OPCML: variants seen among roughly 807,000 people sequenced by gnomAD.
The protein encoded by OPCML is opioid binding protein/cell adhesion molecule like, also known as opioid-binding protein/cell adhesion molecule.
In OPCML, 13 loss-of-function variants were observed where a neutral mutation model predicts 37.8. The ratio of observed to expected loss-of-function variants is 0.34; its 90% CI spans 0.22 to 0.55. The LOEUF is 0.55. Ranked by LOEUF, OPCML falls within the 20% of genes least tolerant of loss-of-function variation. The pLI, the probability that OPCML is intolerant of heterozygous loss-of-function variation, is 0.91. For missense variants in OPCML, 341 were observed against 435.6 expected (o/e 0.78, Z 1.93); for synonymous variants, 176 against 168.8 (o/e 1.04, Z -0.33).
At chr11:132,633,107 G>T (rs991334109) in intron 3 of OPCML, among the ~76,000 whole-genome samples, 1 of 152,134 alleles carries the variant, frequency 6.6e-6, no homozygotes, top group Non-Finnish European at 1.5e-5. Context: ...GTGGTCCTAG[G>T]CTAATCGAAA....
chr11:133,379,500 T>A (rs1282687589), intron 1 of OPCML, among the ~76,000 whole-genome samples: 1 of 152,228 alleles, frequency 6.6e-6, no homozygotes, highest in Admixed American at 6.5e-5. Context: ...ATCACTAACT[T>A]TTTTGTTTGC....
chr11:133,390,252 G>A (rs921334963), intron 1 of OPCML, among the ~76,000 whole-genome samples: 2 of 152,108 alleles, frequency 1.3e-5, no homozygotes, highest in Non-Finnish European at 2.9e-5. Context: ...GAGGTCAGGA[G>A]ATCGAGACCA....
intron 3 of OPCML, among the ~76,000 whole-genome samples, chr11:132,646,451 G>A (rs1459078697): frequency 6.6e-6 from 1 of 152,154 alleles, no homozygotes; most frequent in Non-Finnish European, 1.5e-5. Flanking sequence ...TACAAGTGGG[G>A]TAAGTGACAT....
intron 1 of OPCML, among the ~76,000 whole-genome samples, chr11:132,958,537 C>T (rs775629078): frequency 2.6e-5 from 4 of 152,188 alleles, no homozygotes; most frequent in Non-Finnish European, 5.9e-5. Flanking sequence ...AAGAAGGTGC[C>T]ATCTGGGACT....
chr11:132,829,053 T>C (rs1306507753), intron 2 of OPCML, among the ~76,000 whole-genome samples: 1 of 152,186 alleles, frequency 6.6e-6, no homozygotes, highest in Non-Finnish European at 1.5e-5. Flanking sequence ...TACAGATTAC[T>C]CCAACTCACA....
In OPCML at chr11:133,449,518, G is replaced by A. The variant is rs541810004; in HGVS notation, c.61+82746C>T. Among the ~76,000 whole-genome samples the A allele has an allele frequency of 9.8e-4, 150 of 152,298 alleles. 1 individual carries two copies. The highest frequency in any genetic ancestry group is 3.3e-3 in the African/African-American group (137 of 41,558). On this transcript the variant is annotated intron_variant, in intron 1 of 7. Transcript: ENST00000524381. ...AGGAGGCTTAATAGGACAAACATTTGTTCCCTTACATTTCTGGCCTCCAGA... is the reference window on the plus strand; with the variant it reads ...AGGAGGCTTAATAGGACAAACATTTATTCCCTTACATTTCTGGCCTCCAGA...
chr11:133,093,115 T>C (rs1591994248), intron 1 of OPCML, among the ~76,000 whole-genome samples: 1 of 152,116 alleles, frequency 6.6e-6, no homozygotes, highest in African/African-American at 2.4e-5. Flanking sequence ...ACAGGGGTAT[T>C]TGGTTACATG....
intron 1 of OPCML, among the ~76,000 whole-genome samples, chr11:133,176,871 G>C (rs113362986): frequency 6.6e-6 from 1 of 152,184 alleles, no homozygotes; most frequent in Non-Finnish European, 1.5e-5. Flanking sequence ...TAAATCGCCT[G>C]CAAGAACTCT....
At chr11:133,042,415 G>A (rs572539050) in intron 1 of OPCML, among the ~76,000 whole-genome samples, 33 of 152,274 alleles carry the variant, frequency 2.2e-4, no homozygotes, top group African/African-American at 5.5e-4. Context: ...CAGTTCTGCC[G>A]GCTAGGCGCA....
intron 1 of OPCML, among the ~76,000 whole-genome samples, chr11:132,963,986 A>G (rs1307568746): frequency 1.3e-5 from 2 of 152,128 alleles, no homozygotes; most frequent in African/African-American, 2.4e-5. Flanking sequence ...TGTATACGGC[A>G]GGTCAGGCTT....
chr11:132,846,889 C>T (rs768864918), intron 2 of OPCML, among the ~76,000 whole-genome samples: 25 of 152,262 alleles, frequency 1.6e-4, no homozygotes, highest in Non-Finnish European at 3.5e-4. Context: ...TAATTCTATT[C>T]CTTGAGATCC....
intron 1 of OPCML, among the ~76,000 whole-genome samples, chr11:133,063,644 C>A (rs1274601181): frequency 1.3e-5 from 2 of 152,010 alleles, no homozygotes; most frequent in African/African-American, 4.8e-5. Flanking sequence ...TCACTACAAC[C>A]TCCGCCTCCC....
chr11:132,501,298 T>C (rs1161859316), intron 4 of OPCML, among the ~76,000 whole-genome samples: 2 of 152,042 alleles, frequency 1.3e-5, no homozygotes, highest in Admixed American at 6.5e-5. Flanking sequence ...ACCTAGGCAA[T>C]ACCATTCAGG....
chr11:132,788,753 A>C (rs1343842766), intron 2 of OPCML, among the ~76,000 whole-genome samples: 1 of 152,224 alleles, frequency 6.6e-6, no homozygotes, highest in Non-Finnish European at 1.5e-5. Flanking sequence ...AAACCGTTTG[A>C]GTAGCTTGCC....
intron 4 of OPCML, among the ~76,000 whole-genome samples, chr11:132,441,225 T>C (rs1207798050): frequency 2.4e-5 from 3 of 126,942 alleles, no homozygotes; most frequent in African/African-American, 3.4e-5. Context: ...TGGAGTGCAG[T>C]GGCGGGATCT....
At chr11:132,938,770 G>T (rs1945477846) in intron 2 of OPCML, among the ~76,000 whole-genome samples, 1 of 152,164 alleles carries the variant, frequency 6.6e-6, no homozygotes, top group African/African-American at 2.4e-5. Flanking sequence ...CCATGGGGAA[G>T]ATGCTTCCTT....
chr11:132,554,454 C>T lies in OPCML; in HGVS notation c.380-25268G>A, dbSNP rs137860017. Among the ~76,000 whole-genome samples the T allele has an allele frequency of 2.4e-4, 36 of 152,326 alleles. No homozygotes were observed. In the East Asian group the frequency reaches 5.0e-3, roughly 21 times the overall value. On this transcript the variant is annotated intron_variant, in intron 3 of 7. Transcript: ENST00000524381. ...CATTTCCAGCAAGTTTTTGCCAAAG[C>T]ATTCAGAAGCCAGCTAGCTGCTGAG...
chr11:132,777,939 T>C (rs998923683), intron 2 of OPCML, among the ~76,000 whole-genome samples: 30 of 152,316 alleles, frequency 2.0e-4, no homozygotes, highest in Non-Finnish European at 3.7e-4. Context: ...GCTCTCATTT[T>C]TCCATCTGGC....
At chr11:132,946,237 TCTC>T (rs1278832920) in intron 1 of OPCML, among the ~76,000 whole-genome samples, 1 of 152,176 alleles carries the variant, frequency 6.6e-6, no homozygotes. Flanking sequence ...GGAGCTGTCA[TCTC>T]CTATGATGGC....
Sources: allele counts gnomAD v4.1 joint callset (sites outside exome capture counted in the v4.1 genomes callset), GRCh38; gene constraint gnomAD v4.1.1; transcripts MANE v1.5; gene names NCBI Gene and HGNC (gene_info 2026-07-23, HGNC 2026-07-21).